The following FAP variants were observed in gnomAD, a reference collection of about 807,000 sequenced individuals.
The protein encoded by FAP is fibroblast activation protein alpha, also known as prolyl endopeptidase FAP.
FAP carries 110 observed loss-of-function variants against 126.5 expected under a neutral mutation model. The ratio of observed to expected loss-of-function variants is 0.87; its 90% CI spans 0.74 to 1.02. FAP has a LOEUF of 1.02. Among genes scored for constraint, FAP ranks in the 50% least tolerant of loss-of-function variants. The pLI, the probability that FAP is intolerant of heterozygous loss-of-function variation, is 0.00. For missense variants in FAP, 919 were observed against 909.2 expected (o/e 1.01, Z -0.14); for synonymous variants, 334 against 297.3 (o/e 1.12, Z -1.27).
chr2:162,223,691 T>C, intron 5 of FAP, 31 bp from the exon 6 acceptor site: 1 of 1,486,606 alleles, frequency 6.7e-7, no homozygotes, highest in Non-Finnish European at 9.4e-7. Context: ...AAAAAACAAA[T>C]TGCAGTTGTT....
chr2:162,238,021 G>A lies in FAP; in HGVS notation c.91+4887C>T, dbSNP rs527936040. ...TTTTTGAGAAATGTCTGTTCATGTC[G>A]TTTGCCCACTTTTTGATGGGATTGT... On this transcript the variant is annotated intron_variant, in intron 2 of 25. Transcript: ENST00000188790. Among the ~76,000 whole-genome samples the A allele has an allele frequency of 1.0e-3, 155 of 150,786 alleles. 1 individual carries two copies. The highest frequency in any genetic ancestry group is 3.6e-3 in the African/African-American group (147 of 41,208).
chr2:162,177,925 G>T (rs1287882135), intron 21 of FAP, among the ~76,000 whole-genome samples: 1 of 152,170 alleles, frequency 6.6e-6, no homozygotes, highest in African/African-American at 2.4e-5. Flanking sequence ...TTCACAATGA[G>T]GAAACTGAGG....
chr2:162,207,420 C>T (rs912432827), intron 12 of FAP, among the ~76,000 whole-genome samples: 1 of 152,054 alleles, frequency 6.6e-6, no homozygotes. Flanking sequence ...ATAAGTTGTT[C>T]CCAATAGAAT....
chr2:162,223,233 C>T (rs992930106), intron 6 of FAP, among the ~76,000 whole-genome samples: 2 of 152,002 alleles, frequency 1.3e-5, no homozygotes, highest in African/African-American at 2.4e-5. Flanking sequence ...ATCTCTCTCC[C>T]GCCCTTCCTC....
At chr2:162,214,145 G>C (rs1440557819) in intron 10 of FAP, 72 bp from the exon 11 acceptor site, 1 of 1,474,100 alleles carries the variant, frequency 6.8e-7, no homozygotes, top group Admixed American at 1.8e-5. Context: ...CTTAATTTTT[G>C]TTTTCTAAAG....
chr2:162,173,286 A>G, intron 23 of FAP, 65 bp from the exon 24 acceptor site: 1 of 1,161,844 alleles, frequency 8.6e-7, no homozygotes, highest in Non-Finnish European at 1.3e-6. Context: ...TAGCTAAATC[A>G]TTGTGCAATG....
chr2:162,173,065 G>A (rs1020557507), intron 24 of FAP, 84 bp downstream of exon 24: 2 of 1,291,136 alleles, frequency 1.5e-6, no homozygotes, highest in Admixed American at 3.4e-5. Flanking sequence ...CCTGAGCATA[G>A]GCATAGGAGG....
chr2:162,219,606 G>A (rs564361611), intron 7 of FAP, among the ~76,000 whole-genome samples: 7 of 152,204 alleles, frequency 4.6e-5, no homozygotes, highest in Non-Finnish European at 8.8e-5. Context: ...CTGGCACAAC[G>A]CATTCTGGCT....
At chr2:162,237,597 A>G (rs755317959) in intron 2 of FAP, among the ~76,000 whole-genome samples, 4 of 152,226 alleles carry the variant, frequency 2.6e-5, no homozygotes, top group Admixed American at 6.5e-5. Context: ...TATCCAGTCT[A>G]TCATTGATGG....
At chr2:162,209,172 C>G (rs1452207355) in intron 12 of FAP, among the ~76,000 whole-genome samples, 1 of 151,892 alleles carries the variant, frequency 6.6e-6, no homozygotes, top group Non-Finnish European at 1.5e-5. Flanking sequence ...TAAACCAGGT[C>G]CTAAGAGTTT....
chr2:162,230,238 A>G (rs548558603), intron 2 of FAP, among the ~76,000 whole-genome samples: 4 of 152,310 alleles, frequency 2.6e-5, no homozygotes, highest in African/African-American at 7.2e-5. Flanking sequence ...CTCCTTTGAG[A>G]TGGTGCATTA....
intron 6 of FAP, chr2:162,221,646 C>T (rs1689404331): frequency 2.2e-6 from 1 of 456,492 alleles, no homozygotes; most frequent in Admixed American, 2.4e-5. Flanking sequence ...ATTATCTATG[C>T]AATCACACAA....
chr2:162,241,581 G>A (rs1690348351), intron 2 of FAP, among the ~76,000 whole-genome samples: 1 of 152,048 alleles, frequency 6.6e-6, no homozygotes, highest in African/African-American at 2.4e-5. Flanking sequence ...CAATTTCAAG[G>A]TTGAGTTTCT....
At chr2:162,215,388 G>T (rs1162838008) in intron 10 of FAP, among the ~76,000 whole-genome samples, 1 of 152,176 alleles carries the variant, frequency 6.6e-6, no homozygotes, top group Non-Finnish European at 1.5e-5. Flanking sequence ...TCAGACATAG[G>T]GCATCATGCT....
rs1392537237 is a variant in FAP at position 162,209,944 on chromosome 2, A to G, written c.1047+8T>C. On this transcript the variant is annotated splice_region_variant and intron_variant, in intron 12 of 25. Coordinates refer to ENST00000188790, the MANE Select transcript of FAP (RefSeq NM_004460.5). ...TTAAAACATAAGAAAAAGATAGCAA[A>G]ATCATACTCCACCAGCCCATCCAGT... 6.2e-7 allele frequency: 1 copy of G among 1,612,016 alleles called. No homozygotes were observed. The highest frequency in any genetic ancestry group is 8.5e-7 in the Non-Finnish European group (1 of 1,178,868).
chr2:162,215,043 G>A (rs1357393110), intron 10 of FAP, among the ~76,000 whole-genome samples: 1 of 152,082 alleles, frequency 6.6e-6, no homozygotes, highest in Non-Finnish European at 1.5e-5. Flanking sequence ...AAAAAAAAAT[G>A]ATGTATTGAG....
intron 2 of FAP, 24 bp downstream of exon 2, chr2:162,242,884 G>A (rs1356903114): frequency 6.3e-7 from 1 of 1,577,982 alleles, no homozygotes; most frequent in Non-Finnish European, 8.7e-7. Flanking sequence ...TAGGCAGATA[G>A]AGCAAATCAG....
chr2:162,239,216 T>A (rs78745879), intron 2 of FAP, among the ~76,000 whole-genome samples: 2 of 151,930 alleles, frequency 1.3e-5, no homozygotes, highest in East Asian at 3.9e-4. Flanking sequence ...ATTTTTTTTT[T>A]AATAGAGAAA....
intron 16 of FAP, chr2:162,198,315 G>A: frequency 7.8e-7 from 1 of 1,288,526 alleles, no homozygotes; most frequent in South Asian, 1.2e-5. Flanking sequence ...GTGAGAGTTT[G>A]ATATTTCTCT....
Sources: gnomAD v4.1 joint callset for allele counts (sites outside exome capture counted in the v4.1 genomes callset) on GRCh38, gnomAD v4.1.1 for gene constraint, MANE v1.5 for transcripts, NCBI Gene and HGNC (gene_info 2026-07-23, HGNC 2026-07-21) for gene names.